Variants in DAB1 observed in about 807,000 individuals in gnomAD.
DAB1 encodes the protein disabled homolog 1.
DAB1 carries 15 observed loss-of-function variants against 64.6 expected under a neutral mutation model. The ratio of observed to expected loss-of-function variants is 0.23; its 90% CI spans 0.16 to 0.36. The LOEUF (loss-of-function observed/expected upper bound fraction) is 0.36, where lower values mean the gene tolerates loss of function less well. Among genes scored for constraint, DAB1 ranks in the 10% least tolerant of loss-of-function variants. The pLI is 1.00. For missense variants in DAB1, 596 were observed against 706.7 expected (o/e 0.84, Z 1.78); for synonymous variants, 235 against 251.9 (o/e 0.93, Z 0.64).
At chr1:57,572,465 A>C (rs1329427908) in intron 7 of DAB1, among the ~76,000 whole-genome samples, 1 of 152,182 alleles carries the variant, frequency 6.6e-6, no homozygotes, top group African/African-American at 2.4e-5. Context: ...AATCCTTGCT[A>C]TAATACTTTC....
intron 6 of DAB1, among the ~76,000 whole-genome samples, chr1:57,699,086 T>C (rs912066444): frequency 1.3e-5 from 2 of 152,102 alleles, no homozygotes; most frequent in African/African-American, 4.8e-5. Flanking sequence ...TACAGGTGCA[T>C]GCCACCATGC....
intron 2 of DAB1, among the ~76,000 whole-genome samples, chr1:57,209,089 G>A (rs1011321886): frequency 6.6e-6 from 1 of 152,194 alleles, no homozygotes; most frequent in African/African-American, 2.4e-5. Flanking sequence ...CACAGGGCCT[G>A]GCTTAGTAAA....
chr1:57,172,530 C>T (rs1196456930), intron 2 of DAB1, among the ~76,000 whole-genome samples: 3 of 152,268 alleles, frequency 2.0e-5, no homozygotes, highest in East Asian at 3.9e-4. Flanking sequence ...TTATTTGGCT[C>T]ATGGTTCTGC....
intron 2 of DAB1, among the ~76,000 whole-genome samples, chr1:57,226,712 T>G (rs1667298758): frequency 7.0e-6 from 1 of 142,540 alleles, no homozygotes; most frequent in Non-Finnish European, 1.5e-5. Context: ...TGTTTAGAAG[T>G]GAGGAAACAG....
intron 3 of DAB1, among the ~76,000 whole-genome samples, chr1:58,397,064 CAAA>C (rs528396079): frequency 1.2e-5 from 1 of 80,576 alleles, no homozygotes. Context: ...GACTCCGTCT[CAAA>C]AAAAAAAAAA....
intron 6 of DAB1, among the ~76,000 whole-genome samples, chr1:57,794,053 TG>T (rs140695974): frequency 1.8e-3 from 281 of 152,326 alleles, no homozygotes; most frequent in Non-Finnish European, 3.5e-3. Context: ...CCCATGGTGA[TG>T]GATCCTCCTT....
At chr1:57,900,108 A>G (rs1644452191) in intron 5 of DAB1, among the ~76,000 whole-genome samples, 1 of 152,020 alleles carries the variant, frequency 6.6e-6, no homozygotes, top group African/African-American at 2.4e-5. Context: ...CCAGGCCAAA[A>G]GTCCTGTTTT....
intron 5 of DAB1, chr1:58,049,272 G>A: frequency 1.4e-6 from 1 of 727,834 alleles, no homozygotes; most frequent in Non-Finnish European, 2.5e-6. Flanking sequence ...GGGCTCTTTA[G>A]GAGACTCTGA....
At chr1:57,585,411 A>G (rs1375866734) in intron 7 of DAB1, among the ~76,000 whole-genome samples, 1 of 152,160 alleles carries the variant, frequency 6.6e-6, no homozygotes, top group Non-Finnish European at 1.5e-5. Flanking sequence ...TTTTAAACTC[A>G]CAAGATTCTA....
intron 4 of DAB1, among the ~76,000 whole-genome samples, chr1:58,311,960 T>C (rs1220544290): frequency 6.6e-6 from 1 of 152,200 alleles, no homozygotes; most frequent in Non-Finnish European, 1.5e-5. Flanking sequence ...TGCTGCATAG[T>C]TGATGGCAAA....
At chr1:58,064,005 T>A (rs996151214) in intron 5 of DAB1, among the ~76,000 whole-genome samples, 4 of 152,218 alleles carry the variant, frequency 2.6e-5, no homozygotes, top group African/African-American at 9.6e-5. Flanking sequence ...CTTCCCTCCA[T>A]GGGCATGAAT....
At chr1:58,298,398 T>G (rs1662040100) in intron 4 of DAB1, among the ~76,000 whole-genome samples, 1 of 152,212 alleles carries the variant, frequency 6.6e-6, no homozygotes, top group Non-Finnish European at 1.5e-5. Flanking sequence ...TTACCTGTAT[T>G]ATTTGTATCT....
chr1:57,791,732 G>C (rs1650608124), intron 6 of DAB1, among the ~76,000 whole-genome samples: 1 of 152,092 alleles, frequency 6.6e-6, no homozygotes. Flanking sequence ...GTGTGCCTGA[G>C]ACCCGGGCTC....
chr1:57,609,764 T>G (rs1203138334), intron 7 of DAB1, among the ~76,000 whole-genome samples: 4 of 152,204 alleles, frequency 2.6e-5, no homozygotes, highest in Non-Finnish European at 5.9e-5. Flanking sequence ...TTCAGCATTA[T>G]GTCAAAAAAT....
At chr1:57,624,049 C>G (rs1200692362) in intron 7 of DAB1, among the ~76,000 whole-genome samples, 1 of 152,210 alleles carries the variant, frequency 6.6e-6, no homozygotes, top group Non-Finnish European at 1.5e-5. Context: ...CTGGGGACCC[C>G]AGGCAAGCTG....
At chr1:58,009,907 T>A (rs1646643018) in intron 5 of DAB1, among the ~76,000 whole-genome samples, 1 of 152,230 alleles carries the variant, frequency 6.6e-6, no homozygotes, top group South Asian at 2.1e-4. Context: ...ATGTGCCAGG[T>A]ATTGTATTAA....
At chr1:57,685,401 C>T (rs1646684701) in intron 6 of DAB1, among the ~76,000 whole-genome samples, 1 of 152,082 alleles carries the variant, frequency 6.6e-6, no homozygotes, top group Non-Finnish European at 1.5e-5. Context: ...TTGGAGCACC[C>T]AGATTTATAA....
At chr1:57,963,663 A>T (rs1645581550) in intron 5 of DAB1, among the ~76,000 whole-genome samples, 1 of 152,144 alleles carries the variant, frequency 6.6e-6, no homozygotes, top group Non-Finnish European at 1.5e-5. Flanking sequence ...AAAATTCTAG[A>T]CACCCTGCGT....
chr1:57,940,033 A>G (rs1285456578), intron 5 of DAB1, among the ~76,000 whole-genome samples: 3 of 152,254 alleles, frequency 2.0e-5, no homozygotes, highest in Admixed American at 6.5e-5. Flanking sequence ...CAGAAGGCCA[A>G]ACCTACAGCA....
Sources: allele counts gnomAD v4.1 joint callset (sites outside exome capture counted in the v4.1 genomes callset), GRCh38; gene constraint gnomAD v4.1.1; transcripts MANE v1.5; gene names NCBI Gene and HGNC (gene_info 2026-07-23, HGNC 2026-07-21).